ASB5: variants seen among roughly 807,000 people sequenced by gnomAD.
ASB5 encodes ankyrin repeat and SOCS box containing 5.
A neutral mutation model predicts 42.1 loss-of-function variants in ASB5; 45 were observed. That is an observed-to-expected ratio of 1.07 (90% CI 0.84 to 1.37). ASB5 has a LOEUF of 1.37. ASB5 is among the 40% of genes most tolerant of loss of function. The pLI is 0.00. For synonymous variants in ASB5, 147 were observed against 150.6 expected, an observed-to-expected ratio of 0.98 and a Z score of 0.18; for missense variants, 402 against 399.8, an observed-to-expected ratio of 1.01 and a Z score of -0.05.
upstream of ASB5, among the ~76,000 whole-genome samples, chr4:176,271,904 G>A (rs1348234888): frequency 6.6e-6 from 1 of 152,074 alleles, no homozygotes; most frequent in African/African-American, 2.4e-5. Context: ...CAATCTGATT[G>A]AGCAAATACG....
chr4:176,250,734 G>A (rs1208847625), intron 1 of ASB5, among the ~76,000 whole-genome samples: 3 of 152,126 alleles, frequency 2.0e-5, no homozygotes, highest in East Asian at 1.9e-4. Flanking sequence ...CGCCACGTGC[G>A]AACAAATCTA....
At chr4:176,218,608 T>C (rs1489818858) in intron 5 of ASB5, among the ~76,000 whole-genome samples, 7 of 110,568 alleles carry the variant, frequency 6.3e-5, no homozygotes, top group Non-Finnish European at 1.2e-4. Flanking sequence ...TAAATATATA[T>C]GTATGATATA....
chr4:176,227,787 A>G (rs1753420291), intron 1 of ASB5, among the ~76,000 whole-genome samples: 1 of 152,142 alleles, frequency 6.6e-6, no homozygotes, highest in East Asian at 1.9e-4. Flanking sequence ...CCTATCTCTC[A>G]ATACACACAC....
chr4:176,217,994 T>C (rs72706382), intron 5 of ASB5, among the ~76,000 whole-genome samples: 16,897 of 151,150 alleles, frequency 0.11, 1,312 homozygotes, highest in Admixed American at 0.18. Context: ...ATATAAAATG[T>C]TTCGTGAAAA....
rs1003173666 is a variant in ASB5 at position 176,213,729 on chromosome 4, T to C, written c.*1871A>G. ...ATATAATAACAAACATACAATACAT[T>C]AAAGTTAGAACACTACTTTGATAAG... On this transcript the variant is annotated 3_prime_UTR_variant, in exon 7 of 7. Coordinates refer to ENST00000296525, the MANE Select transcript of ASB5 (RefSeq NM_080874.4). The C allele has an allele frequency of 6.6e-6, 1 of 152,076 alleles. No homozygotes were observed. Among genetic ancestry groups the C allele is most frequent in the Non-Finnish European group, 1.5e-5 (1 of 67,958 alleles). The allele number at this position is 152,076 out of a possible 1,614,324, so 9.4% of individuals were successfully genotyped here.
At chr4:176,237,203 G>T in intron 1 of ASB5, 1 of 860,102 alleles carries the variant, frequency 1.2e-6, no homozygotes, top group Non-Finnish European at 1.4e-6. Context: ...ATTCTGGAAA[G>T]CACCCGCAGT....
At chr4:176,257,314 C>T (rs933956250) in intron 1 of ASB5, among the ~76,000 whole-genome samples, 1 of 152,168 alleles carries the variant, frequency 6.6e-6, no homozygotes, top group Non-Finnish European at 1.5e-5. Context: ...ACAACCATGA[C>T]CAGGTATTTG....
chr4:176,228,144 A>G (rs1248609827), intron 1 of ASB5, among the ~76,000 whole-genome samples: 3 of 152,248 alleles, frequency 2.0e-5, no homozygotes, highest in Non-Finnish European at 4.4e-5. Context: ...GATGAAAATT[A>G]AAAGTACTTT....
At position 176,260,014 on chromosome 4, in the gene ASB5, G is replaced by A. The variant is rs527721573; in HGVS notation, c.196+8899C>T. Among the ~76,000 whole-genome samples the A allele has an allele frequency of 1.2e-4, 19 of 152,236 alleles. No individual in the cohort carries two copies. The East Asian group carries it at 2.1e-3, about 17-fold the overall frequency. On this transcript the variant is annotated intron_variant, in intron 1 of 6. Transcript: ENST00000296525. ...CATCTAATCCCTAGGAAAGAATTTC[G>A]AAAGGATATTCAGCTATGACTCATA... is the stretch of plus-strand genomic sequence containing the variant.
chr4:176,249,208 C>T (rs890066920), intron 1 of ASB5, among the ~76,000 whole-genome samples: 3 of 152,320 alleles, frequency 2.0e-5, no homozygotes, highest in African/African-American at 7.2e-5. Flanking sequence ...TTCAAGTAAT[C>T]TGCCCGCCGC....
intron 1 of ASB5, chr4:176,237,698 TTG>T: frequency 1.9e-6 from 1 of 518,634 alleles, no homozygotes; most frequent in Non-Finnish European, 2.5e-6. Context: ...CTTTAACTAT[TTG>T]TGTGATATAG....
Position 176,214,525 on chromosome 4 carries a change from C to G in ASB5, c.*1075G>C, listed in dbSNP as rs913561794. The G allele has an allele frequency of 1.7e-4, 26 of 152,146 alleles. No homozygotes were observed. Among genetic ancestry groups the G allele is most frequent in the Non-Finnish European group, 8.8e-5 (6 of 68,024 alleles). 9.4% of individuals were successfully genotyped at this position (152,146 alleles called of 1,614,324 possible). Reference sequence around the variant, plus strand: ...GTAATATCTTCTTTTATACAATACTCTCTTGCTATTACTTGCAAATACAGT... The same window carrying G: ...GTAATATCTTCTTTTATACAATACTGTCTTGCTATTACTTGCAAATACAGT... On this transcript the variant is annotated 3_prime_UTR_variant, in exon 7 of 7. Coordinates refer to ENST00000296525, the MANE Select transcript of ASB5 (RefSeq NM_080874.4).
chr4:176,256,652 T>C (rs963088244), intron 1 of ASB5, among the ~76,000 whole-genome samples: 15 of 152,184 alleles, frequency 9.9e-5, no homozygotes, highest in East Asian at 3.9e-4. Context: ...AGGAAAACTA[T>C]GTTTTGCCAG....
At chr4:176,218,218 G>GATATAAATATATATATATTTGTATGAT (rs1561249975) in intron 5 of ASB5, among the ~76,000 whole-genome samples, 2 of 29,180 alleles carry the variant, frequency 6.9e-5, no homozygotes, top group East Asian at 9.1e-4. Flanking sequence ...ATATTTGTAT[G>GATATAAATATATATATATTTGTATGAT]ATATAAATAT....
chr4:176,269,250 T>C, upstream of ASB5: 1 of 605,562 alleles, frequency 1.7e-6, no homozygotes, highest in Non-Finnish European at 2.6e-6. Context: ...AAAATATTTA[T>C]ACACTCCATA....
chr4:176,214,471 A>C lies in ASB5; in HGVS notation c.*1129T>G, dbSNP rs969555142. The C allele has an allele frequency of 3.9e-5, 6 of 152,176 alleles. No homozygotes were observed. Among genetic ancestry groups the C allele is most frequent in the Non-Finnish European group, 8.8e-5 (6 of 68,032 alleles). 9.4% of individuals were successfully genotyped at this position (152,176 alleles called of 1,614,324 possible). ...AGTTAAAGCTGAAGAGAATAAACGTAGTATTTACCCTTGCAGAGGACTAGC... is the reference window on the plus strand; with the variant it reads ...AGTTAAAGCTGAAGAGAATAAACGTCGTATTTACCCTTGCAGAGGACTAGC... On this transcript the variant is annotated 3_prime_UTR_variant, in exon 7 of 7. Coordinates refer to ENST00000296525, the MANE Select transcript of ASB5 (RefSeq NM_080874.4).
In ASB5 at chr4:176,222,885, C is replaced by G. The variant is rs188186632; in HGVS notation, c.277-465G>C. Among the ~76,000 whole-genome samples the G allele has an allele frequency of 8.7e-3, 1,322 of 152,194 alleles. 24 individuals carry two copies. The highest frequency in any genetic ancestry group is 0.03 in the African/African-American group (1,244 of 41,500). On this transcript the variant is annotated intron_variant, in intron 2 of 6. Transcript: ENST00000296525. Reference sequence around the variant, plus strand: ...CTCCGCCTCCCGGGTTCATGCCATTCTCCTGCCTCAGCCTCCCGAGTAGCT... The same window carrying G: ...CTCCGCCTCCCGGGTTCATGCCATTGTCCTGCCTCAGCCTCCCGAGTAGCT...
intron 2 of ASB5, among the ~76,000 whole-genome samples, chr4:176,222,657 G>A (rs892414387): frequency 6.6e-6 from 1 of 152,058 alleles, no homozygotes; most frequent in African/African-American, 2.4e-5. Context: ...TAAGTATTTG[G>A]TTCAATAGAT....
Position 176,249,989 on chromosome 4 carries a change from C to A in ASB5, c.196+18924G>T, listed in dbSNP as rs566768903. On this transcript the variant is annotated intron_variant, in intron 1 of 6. Transcript: ENST00000296525. ...CTGAGGCAGGAGAATGACATTAACC[C>A]GGGAGGCGGAGCTTGCAGTGAGCCG... 1.8e-4 allele frequency among the ~76,000 whole-genome samples: 27 copies of A among 149,538 alleles called. 1 individual carries two copies. In the South Asian group the frequency reaches 5.7e-3, roughly 32 times the overall value.
Sources: gnomAD v4.1 joint callset for allele counts (sites outside exome capture counted in the v4.1 genomes callset) on GRCh38, gnomAD v4.1.1 for gene constraint, MANE v1.5 for transcripts, NCBI Gene and HGNC (gene_info 2026-07-23, HGNC 2026-07-21) for gene names.